The following PDE11A variants were observed in gnomAD, a reference collection of about 807,000 sequenced individuals.
PDE11A encodes phosphodiesterase 11A.
In PDE11A, 100 loss-of-function variants were observed where a neutral mutation model predicts 100.5. That is an observed-to-expected ratio of 1.00 (90% CI 0.85 to 1.18). PDE11A has a LOEUF of 1.18. Ranked by LOEUF, PDE11A falls within the 50% of genes most tolerant of loss-of-function variation. The probability of loss-of-function intolerance (pLI) is 0.00; values close to 1 mark genes in which losing one functional copy is unlikely to be tolerated. For synonymous variants in PDE11A, 381 were observed against 420.8 expected, an observed-to-expected ratio of 0.91 and a Z score of 1.16; for missense variants, 1,141 against 1,152.6, an observed-to-expected ratio of 0.99 and a Z score of 0.15.
At chr2:177,662,346 A>G (rs1337296279) in intron 19 of PDE11A, among the ~76,000 whole-genome samples, 1 of 152,206 alleles carries the variant, frequency 6.6e-6, no homozygotes, top group Admixed American at 6.5e-5. Context: ...ACCCCAATAC[A>G]TATCTTCATC....
intron 2 of PDE11A, among the ~76,000 whole-genome samples, chr2:177,962,310 A>T (rs998131058): frequency 3.3e-5 from 5 of 152,100 alleles, no homozygotes; most frequent in African/African-American, 1.2e-4. Context: ...GCATTAAATA[A>T]ATATTTGTTC....
chr2:178,058,187 G>A (rs1574374136), intron 1 of PDE11A, among the ~76,000 whole-genome samples: 1 of 152,080 alleles, frequency 6.6e-6, no homozygotes, highest in East Asian at 1.9e-4. Flanking sequence ...AAACCCCCTG[G>A]TCCTAATCTG....
chr2:178,046,089 G>A (rs545212786), intron 1 of PDE11A, among the ~76,000 whole-genome samples: 1 of 152,302 alleles, frequency 6.6e-6, no homozygotes, highest in Admixed American at 6.5e-5. Context: ...TAAAATGTAG[G>A]AAGTAACGGT....
chr2:178,035,366 AAATTAAGGCAGT>A (rs2086599397), intron 1 of PDE11A, among the ~76,000 whole-genome samples: 1 of 152,234 alleles, frequency 6.6e-6, no homozygotes, highest in Admixed American at 6.5e-5. Flanking sequence ...ACAAGTTCTG[AAATTAAGGCAGT>A]AATTAAGAGC....
chr2:177,754,114 G>A (rs754631920), intron 10 of PDE11A, among the ~76,000 whole-genome samples: 4 of 152,162 alleles, frequency 2.6e-5, no homozygotes, highest in Admixed American at 6.5e-5. Context: ...TTCAAAGCCT[G>A]CCATTGGCTG....
chr2:177,658,511 C>T (rs542802370), intron 19 of PDE11A, among the ~76,000 whole-genome samples: 184 of 151,344 alleles, frequency 1.2e-3, no homozygotes, highest in African/African-American at 3.9e-3. Context: ...TTTTTCCCTC[C>T]CTCTCTCTCT....
At chr2:177,834,009 T>C (rs939389295) in intron 6 of PDE11A, among the ~76,000 whole-genome samples, 2 of 152,210 alleles carry the variant, frequency 1.3e-5, no homozygotes, top group African/African-American at 4.8e-5. Context: ...AGGAGGAGCC[T>C]GGCCTCTTCA....
chr2:178,049,369 G>A (rs1259821890), intron 1 of PDE11A, among the ~76,000 whole-genome samples: 1 of 152,114 alleles, frequency 6.6e-6, no homozygotes, highest in African/African-American at 2.4e-5. Context: ...GCTTGGGGGG[G>A]AAGTTCCAAG....
At chr2:177,669,420 C>T (rs1016821450) in intron 18 of PDE11A, 73 bp downstream of exon 18, 5 of 781,352 alleles carry the variant, frequency 6.4e-6, no homozygotes, top group Non-Finnish European at 9.4e-6. Context: ...CCATTTCCAA[C>T]TTGTAATTTG....
At chr2:177,853,493 C>T (rs1344737689) in intron 5 of PDE11A, among the ~76,000 whole-genome samples, 1 of 150,792 alleles carries the variant, frequency 6.6e-6, no homozygotes, top group Non-Finnish European at 1.5e-5. Flanking sequence ...AATGTGCCAG[C>T]TGGCAAAACT....
chr2:177,920,855 G>T (rs2085030296), intron 2 of PDE11A, among the ~76,000 whole-genome samples: 1 of 152,110 alleles, frequency 6.6e-6, no homozygotes, highest in Non-Finnish European at 1.5e-5. Flanking sequence ...GAGGTCAGGA[G>T]ATCCAGACCA....
chr2:177,719,822 T>C (rs545911371), intron 12 of PDE11A, among the ~76,000 whole-genome samples: 1 of 152,302 alleles, frequency 6.6e-6, no homozygotes, highest in Non-Finnish European at 1.5e-5. Flanking sequence ...AAAAAAGTGC[T>C]CTTTGAAGGT....
chr2:177,662,991 G>A (rs2080505477), intron 19 of PDE11A, among the ~76,000 whole-genome samples: 1 of 152,172 alleles, frequency 6.6e-6, no homozygotes, highest in Non-Finnish European at 1.5e-5. Context: ...GAACTAAAGA[G>A]CTTTTGCTTT....
At position 177,780,048 on chromosome 2, in the gene PDE11A, T is replaced by C. The variant is rs75194658; in HGVS notation, c.1738-10675A>G. ...GGCATGAAAACAACATTAATATCCT[T>C]GTACAGCTCCACCGGAGTGTTTGGG... On this transcript the variant is annotated intron_variant, in intron 9 of 19. Coordinates refer to ENST00000286063, the MANE Select transcript of PDE11A (RefSeq NM_016953.4). Among the ~76,000 whole-genome samples, 1,383 of 152,278 alleles carry C rather than the reference T, an allele frequency of 9.1e-3. 21 individuals carry two copies. The highest frequency in any genetic ancestry group is 0.032 in the African/African-American group (1,318 of 41,548).
chr2:178,021,871 G>T (rs555665598), intron 1 of PDE11A, among the ~76,000 whole-genome samples: 1 of 152,200 alleles, frequency 6.6e-6, no homozygotes, highest in African/African-American at 2.4e-5. Context: ...GGCAATAAAC[G>T]CTGGTTAATT....
At chr2:177,752,711 T>C (rs530607341) in intron 10 of PDE11A, among the ~76,000 whole-genome samples, 3 of 152,332 alleles carry the variant, frequency 2.0e-5, no homozygotes, top group South Asian at 2.1e-4. Context: ...GTGCCTACTA[T>C]GTGTCAGGCA....
intron 10 of PDE11A, among the ~76,000 whole-genome samples, chr2:177,734,697 T>A (rs1316815209): frequency 6.6e-6 from 1 of 152,200 alleles, no homozygotes; most frequent in African/African-American, 2.4e-5. Flanking sequence ...ATTCTTTGTA[T>A]AAACAATCAC....
intron 2 of PDE11A, among the ~76,000 whole-genome samples, chr2:178,003,912 A>G (rs1378722419): frequency 6.6e-6 from 1 of 152,166 alleles, no homozygotes; most frequent in Admixed American, 6.5e-5. Context: ...AAAGATGTCA[A>G]TATTTGTAAT....
chr2:177,820,355 A>T, intron 6 of PDE11A, 60 bp from the exon 7 acceptor site: 1 of 953,952 alleles, frequency 1.0e-6, no homozygotes, highest in Non-Finnish European at 1.7e-6. Flanking sequence ...TTTGATTTAC[A>T]TTTTTTCCAT....
Sources: allele counts gnomAD v4.1 joint callset (sites outside exome capture counted in the v4.1 genomes callset), GRCh38; gene constraint gnomAD v4.1.1; transcripts MANE v1.5; gene names NCBI Gene and HGNC (gene_info 2026-07-23, HGNC 2026-07-21).